WHAMM: variants seen among roughly 807,000 people sequenced by gnomAD.
The protein encoded by WHAMM is WASP homolog associated with actin, golgi membranes and microtubules, also known as WASP homolog-associated protein with actin, membranes and microtubules.
A neutral mutation model predicts 76.5 loss-of-function variants in WHAMM; 67 were observed. The ratio of observed to expected loss-of-function variants is 0.88; its 90% CI spans 0.72 to 1.07. The LOEUF is 1.07. Among genes scored for constraint, WHAMM ranks in the 50% least tolerant of loss-of-function variants. The pLI is 0.00. For missense variants in WHAMM, 1,021 were observed against 1,051.1 expected (o/e 0.97, Z 0.40); for synonymous variants, 419 against 422.1 (o/e 0.99, Z 0.09).
intron 8 of WHAMM, among the ~76,000 whole-genome samples, chr15:82,828,959 A>C (rs930779999): frequency 6.6e-6 from 1 of 152,326 alleles, no homozygotes; most frequent in East Asian, 1.9e-4. Context: ...ACACAGAATA[A>C]GGGAGTTCTG....
rs2051107312 is a variant in WHAMM, at chr15:82,834,912, G to A, written c.*1376G>A. On this transcript the variant is annotated 3_prime_UTR_variant, in exon 10 of 10. Coordinates refer to ENST00000286760, the MANE Select transcript of WHAMM (RefSeq NM_001080435.3). ...TCAGGAACTGAAGTCTCATGCTGAA[G>A]TATTTTCTCCTTAAAATTAAATTTT... The A allele has an allele frequency of 6.7e-6, 1 of 149,860 alleles. No individual in the cohort carries two copies. Among genetic ancestry groups the A allele is most frequent in the Non-Finnish European group, 1.5e-5 (1 of 67,870 alleles). The allele number at this position is 149,860 out of a possible 1,614,324, so 9.3% of individuals were successfully genotyped here.
rs757855661 is a variant in WHAMM at position 82,830,584 on chromosome 15, G to T, written c.1642-15G>T. ...CACTTGTGGCAGATTGCTCACCATG[G>T]TTTTTCATTTTCAGAAACGCCTAGC... is the stretch of plus-strand genomic sequence containing the variant. On this transcript the variant is annotated splice_polypyrimidine_tract_variant and intron_variant, in intron 8 of 9. Transcript: ENST00000286760. 6.2e-7 allele frequency: 1 copy of T among 1,600,744 alleles called. No individual in the cohort carries two copies. The highest frequency in any genetic ancestry group is 8.5e-7 in the Non-Finnish European group (1 of 1,170,664).
At chr15:82,832,108 C>G (rs937791165) in intron 9 of WHAMM, among the ~76,000 whole-genome samples, 4 of 152,198 alleles carry the variant, frequency 2.6e-5, no homozygotes, top group Non-Finnish European at 5.9e-5. Context: ...CTAGATCGGA[C>G]TTTGGAAGTG....
In WHAMM at chr15:82,823,091, C is replaced by A; in HGVS notation, c.1271-9C>A. 1.5e-6 allele frequency: 2 copies of A among 1,303,290 alleles called. No individual in the cohort carries two copies. Among genetic ancestry groups the A allele is most frequent in the Non-Finnish European group, 2.0e-6 (2 of 1,013,914 alleles). 80.7% of individuals were successfully genotyped at this position (1,303,290 alleles called of 1,614,324 possible). A position where few individuals can be genotyped will look rare whatever the true frequency, so the allele number is the denominator to read the frequency against. The stretch of plus-strand genomic sequence containing the variant: ...AATATGTTTTAAACAATCATTAATA[C>A]ATTTTTAGAAAAACAAGATGAAGTT... On this transcript the variant is annotated splice_polypyrimidine_tract_variant and intron_variant, in intron 5 of 9. Coordinates refer to ENST00000286760, the MANE Select transcript of WHAMM (RefSeq NM_001080435.3).
chr15:82,818,379 C>A (rs2050763827), intron 4 of WHAMM, among the ~76,000 whole-genome samples: 1 of 152,144 alleles, frequency 6.6e-6, no homozygotes, highest in South Asian at 2.1e-4. Flanking sequence ...TGGTAAAGCA[C>A]ACTTTTATTT....
At position 82,810,199 on chromosome 15, in the gene WHAMM, A is replaced by G; in HGVS notation, c.473A>G (p.Asp158Gly). 1 of 1,407,496 alleles carries G rather than the reference A, an allele frequency of 7.1e-7. No individual in the cohort carries two copies. The highest frequency in any genetic ancestry group is 2.6e-5 in the Admixed American group (1 of 38,238). 87.2% of individuals were successfully genotyped at this position (1,407,496 alleles called of 1,614,324 possible). A position where few individuals can be genotyped will look rare whatever the true frequency, so the allele number is the denominator to read the frequency against. ...GAACGCTATCTGGGCGCGGCGGCCG[A>G]CGGCTGCGGCGGCGCCACAGTGCGC... ...QLERYLGAAA[D>G]GCGGATVRDA... is the part of the protein sequence containing the mutation. Residue 158 changes from aspartate to glycine, a missense_variant, in exon 1 of 10, where the codon GAC becomes GGC. This residue lies in a region of WHAMM where 501 missense variants were observed against 524.9 expected (regional missense o/e 0.95). Transcript: ENST00000286760.
chr15:82,819,096 A>G (rs1259823105), intron 4 of WHAMM, among the ~76,000 whole-genome samples: 1 of 152,150 alleles, frequency 6.6e-6, no homozygotes, highest in Non-Finnish European at 1.5e-5. Context: ...GTACATAATA[A>G]TACCTCATTG....
At position 82,830,871 on chromosome 15, in the gene WHAMM, GCCACCACCTCCTCCTCCT is replaced by G; in HGVS notation, c.1923_1940del (p.Pro653_Pro658del). On this transcript the variant is annotated inframe_deletion, in exon 9 of 10. Transcript: ENST00000286760. ...CCAAATCCAGTGAGGAATTGTCACT[GCCACCACCTCCTCCTCCT>G]CCACCACCACCACCGCCGCCACCGC... The G allele has an allele frequency of 1.3e-6, 2 of 1,581,498 alleles. No homozygotes were observed. The highest frequency in any genetic ancestry group is 2.3e-5 in the South Asian group (2 of 87,550).
In WHAMM at chr15:82,834,562, GGCCTTCTGT is replaced by G. The variant is rs2051100639; in HGVS notation, c.*1029_*1037del. ...GCAGTACTATTAGACTACTGACTGT[GGCCTTCTGT>G]GCATATGGAATAATGATTTCTCAGA... On this transcript the variant is annotated 3_prime_UTR_variant, in exon 10 of 10. Coordinates refer to ENST00000286760, the MANE Select transcript of WHAMM (RefSeq NM_001080435.3). 6.6e-6 allele frequency: 1 copy of G among 152,622 alleles called. No individual in the cohort carries two copies. The highest frequency in any genetic ancestry group is 2.4e-5 in the African/African-American group (1 of 41,438). 9.5% of individuals were successfully genotyped at this position (152,622 alleles called of 1,614,324 possible). A position where few individuals can be genotyped will look rare whatever the true frequency, so the allele number is the denominator to read the frequency against.
chr15:82,822,843 CAT>C lies in WHAMM; in HGVS notation c.1271-254_1271-253del, dbSNP rs562636605. Among the ~76,000 whole-genome samples the C allele has an allele frequency of 1.2e-3, 180 of 151,866 alleles. 4 individuals are homozygous for C. The South Asian group carries it at 0.026, about 22-fold the overall frequency. ...GTGTGTGTATATATATATATACACA[CAT>C]ATGTCTATATACATGTATGTATACA... is the stretch of plus-strand genomic sequence containing the variant. On this transcript the variant is annotated intron_variant, in intron 5 of 9. Transcript: ENST00000286760.
At position 82,817,152 on chromosome 15, in the gene WHAMM, G is replaced by T. The variant is rs575955614; in HGVS notation, c.934+310G>T. Among the ~76,000 whole-genome samples the T allele has an allele frequency of 2.0e-5, 3 of 152,290 alleles. No homozygotes were observed. In the South Asian group the frequency reaches 6.2e-4, roughly 32 times the overall value. ...TCACTGAAGGCCTCTGAGAAGTGGC[G>T]CTTGCCCCAATATCTGAAGGGTAAA... On this transcript the variant is annotated intron_variant, in intron 3 of 9. Coordinates refer to ENST00000286760, the MANE Select transcript of WHAMM (RefSeq NM_001080435.3).
intron 9 of WHAMM, among the ~76,000 whole-genome samples, chr15:82,832,785 G>T (rs963257454): frequency 5.9e-5 from 9 of 152,158 alleles, no homozygotes; most frequent in African/African-American, 1.9e-4. Context: ...AATTGAGCAG[G>T]ATAAATTTTT....
In WHAMM at chr15:82,823,200, A is replaced by G; in HGVS notation, c.1371A>G (p.Glu457=). The part of the protein sequence containing the change: ...VVGLQDDKNL[E]VKELRRQCQQ... ...GGCTGCAGGATGATAAGAATTTGGA[A>G]GTGAAAGAACTCAGAAGGCAGTGCC... Residue 457 remains glutamate (E), a synonymous_variant, in exon 6 of 10, where the codon GAA becomes GAG. Coordinates refer to ENST00000286760, the MANE Select transcript of WHAMM (RefSeq NM_001080435.3). 1 of 1,586,818 alleles carries G rather than the reference A, an allele frequency of 6.3e-7. No homozygotes were observed. Among genetic ancestry groups the G allele is most frequent in the Middle Eastern group, 1.7e-4 (1 of 5,956 alleles).
intron 6 of WHAMM, among the ~76,000 whole-genome samples, chr15:82,825,251 C>T (rs550107955): frequency 3.9e-5 from 6 of 152,128 alleles, no homozygotes; most frequent in African/African-American, 9.7e-5. Context: ...AGGCATTTGC[C>T]CTTTGCTCCA....
Position 82,823,276 on chromosome 15 carries a change from C to T in WHAMM, c.1447C>T (p.Arg483Trp), listed in dbSNP as rs377327374. 180 of 1,506,188 alleles carry T rather than the reference C, an allele frequency of 1.2e-4. 2 individuals carry two copies. In the South Asian group the frequency reaches 1.8e-3, roughly 15 times the overall value. The allele number at this position is 1,506,188 out of a possible 1,614,324, so 93.3% of individuals were successfully genotyped here. Residue 483 changes from arginine to tryptophan, a missense_variant, in exon 6 of 10, where the codon CGG becomes TGG. Physicochemically the swap from Arg to Trp is moderately radical, Grantham distance 101. Around this residue, in one of 3 missense-constraint regions of WHAMM, gnomAD observed 509 missense variants for 492.3 expected, o/e 1.03. Transcript: ENST00000286760. ...GATCTGTGCCAAAAGAGCCTCTCTC[C>T]GGAGTAGAAAGGTAGGTACGCTCAG... ...GRICAKRASLRSRKDQCKENH... is the reference protein window; with the variant it reads ...GRICAKRASLWSRKDQCKENH...
At position 82,829,981 on chromosome 15, in the gene WHAMM, T is replaced by C. The variant is rs2050999481; in HGVS notation, c.1642-618T>C. Reference sequence around the variant, plus strand: ...TTTTCAATTTACATTTTTTAAATTATGAAATTAACTCTTAAGCCTAAAAGT... The same window carrying C: ...TTTTCAATTTACATTTTTTAAATTACGAAATTAACTCTTAAGCCTAAAAGT... On this transcript the variant is annotated intron_variant, in intron 8 of 9. Transcript: ENST00000286760. 2.6e-5 allele frequency among the ~76,000 whole-genome samples: 4 copies of C among 152,226 alleles called. No individual in the cohort carries two copies. The South Asian group carries it at 8.3e-4, about 32-fold the overall frequency.
intron 1 of WHAMM, among the ~76,000 whole-genome samples, chr15:82,811,443 C>T (rs1461095309): frequency 3.3e-5 from 5 of 152,130 alleles, no homozygotes; most frequent in Non-Finnish European, 1.5e-5. Context: ...TAAAATCGAA[C>T]ATGTTTATGA....
rs999306695 is a variant in WHAMM at position 82,810,298 on chromosome 15, G to C, written c.572G>C (p.Arg191Pro). Reference protein sequence around the residue: ...SPREFRERALRARWVEADARL... With the variant: ...SPREFRERALPARWVEADARL... ...CGCGAGTTCCGGGAGCGGGCCTTGCGCGCGCGGTGGGTCGAGGCGGACGCG... is the reference window on the plus strand; with the variant it reads ...CGCGAGTTCCGGGAGCGGGCCTTGCCCGCGCGGTGGGTCGAGGCGGACGCG... The change falls in exon 1 of 10, where the codon CGC (arginine) becomes CCC (proline). Residue 191 changes from arginine to proline, a missense_variant. Physicochemically the swap from Arg to Pro is moderately radical, Grantham distance 103. Around this residue, in one of 3 missense-constraint regions of WHAMM, gnomAD observed 501 missense variants for 524.9 expected, o/e 0.95. Coordinates refer to ENST00000286760, the MANE Select transcript of WHAMM (RefSeq NM_001080435.3). 2.2e-6 allele frequency: 3 copies of C among 1,342,228 alleles called. No individual in the cohort carries two copies. The African/African-American group carries it at 4.6e-5, about 21-fold the overall frequency. 83.1% of individuals were successfully genotyped at this position (1,342,228 alleles called of 1,614,324 possible).
At chr15:82,826,677 G>T in intron 7 of WHAMM, 74 bp from the exon 8 acceptor site, 1 of 1,529,234 alleles carries the variant, frequency 6.5e-7, no homozygotes, top group South Asian at 1.2e-5. Context: ...TCTTTGCTGA[G>T]ACATTTTTAT....
Sources: allele counts gnomAD v4.1 joint callset (sites outside exome capture counted in the v4.1 genomes callset), GRCh38; gene constraint gnomAD v4.1.1; regional missense constraint gnomAD v4.1.1; transcripts MANE v1.5; gene names NCBI Gene and HGNC (gene_info 2026-07-23, HGNC 2026-07-21).